Variants in ATF7IP2 observed in about 807,000 individuals in gnomAD.
ATF7IP2 encodes the protein activating transcription factor 7-interacting protein 2.
In ATF7IP2, 42 loss-of-function variants were observed where a neutral mutation model predicts 64.2. The observed-to-expected ratio is 0.65, with a 90% CI of 0.51 to 0.85. The LOEUF (loss-of-function observed/expected upper bound fraction) is 0.85. Among genes scored for constraint, ATF7IP2 ranks in the 40% least tolerant of loss-of-function variants. The pLI is 0.00. For synonymous variants in ATF7IP2, 308 were observed against 272.8 expected (o/e 1.13, Z -1.27); for missense variants, 933 against 784.2 (o/e 1.19, Z -2.27).
chr16:10,417,512 C>A (rs1050682248), intron 2 of ATF7IP2, among the ~76,000 whole-genome samples: 3 of 152,034 alleles, frequency 2.0e-5, no homozygotes, highest in African/African-American at 7.2e-5. Flanking sequence ...ATAAAGGGAT[C>A]AATTCAACAA....
intron 9 of ATF7IP2, among the ~76,000 whole-genome samples, chr16:10,460,794 T>C (rs2049349174): frequency 6.6e-6 from 1 of 152,194 alleles, no homozygotes; most frequent in Non-Finnish European, 1.5e-5. Context: ...GGGAATGTTT[T>C]CTTAAGACAT....
chr16:10,447,345 C>T (rs1391429607), intron 8 of ATF7IP2: 1 of 152,114 alleles, frequency 6.6e-6, no homozygotes, highest in Non-Finnish European at 1.5e-5. Flanking sequence ...CCTTTGAGGC[C>T]ACTGCACCAA....
intron 1 of ATF7IP2, among the ~76,000 whole-genome samples, chr16:10,397,334 A>G (rs2047439786): frequency 6.6e-6 from 1 of 152,186 alleles, no homozygotes; most frequent in Non-Finnish European, 1.5e-5. Context: ...CACATACATT[A>G]TCCATTTTAG....
intron 1 of ATF7IP2, among the ~76,000 whole-genome samples, chr16:10,396,112 T>G (rs549172839): frequency 3.5e-4 from 53 of 152,270 alleles, no homozygotes; most frequent in African/African-American, 1.2e-3. Flanking sequence ...TCCATATACT[T>G]GCAAAGAGGA....
At chr16:10,480,272 C>T (rs61344688) in intron 12 of ATF7IP2, among the ~76,000 whole-genome samples, 2,077 of 152,100 alleles carry the variant, frequency 0.014, 45 homozygotes, top group African/African-American at 0.047. Context: ...CCACTATGCA[C>T]AGCCTCCCCA....
chr16:10,460,795 C>T (rs1041546979), intron 9 of ATF7IP2, among the ~76,000 whole-genome samples: 1 of 152,076 alleles, frequency 6.6e-6, no homozygotes, highest in Non-Finnish European at 1.5e-5. Flanking sequence ...GGAATGTTTT[C>T]TTAAGACATA....
At chr16:10,473,618 ATTTAGT>A in intron 11 of ATF7IP2, 84 bp downstream of exon 11, 2 of 1,020,550 alleles carry the variant, frequency 2.0e-6, no homozygotes, top group Non-Finnish European at 3.0e-6. Flanking sequence ...ATGTTGGATG[ATTTAGT>A]TTTAGTCCAC....
intron 8 of ATF7IP2, among the ~76,000 whole-genome samples, chr16:10,442,433 AGTTTTATT>A (rs1307495210): frequency 2.6e-5 from 4 of 152,190 alleles, no homozygotes; most frequent in African/African-American, 9.6e-5. Context: ...TGTTTTTATA[AGTTTTATT>A]GTTTTATTGA....
At chr16:10,466,839 A>G (rs2049592171) in intron 9 of ATF7IP2, among the ~76,000 whole-genome samples, 1 of 151,554 alleles carries the variant, frequency 6.6e-6, no homozygotes, top group South Asian at 2.1e-4. Flanking sequence ...TATCTTTTTT[A>G]ACTGTTTGCT....
intron 9 of ATF7IP2, among the ~76,000 whole-genome samples, chr16:10,458,821 A>G (rs1335291843): frequency 6.6e-6 from 1 of 152,200 alleles, no homozygotes; most frequent in East Asian, 1.9e-4. Flanking sequence ...AAACAAGATA[A>G]CTAGTAAACC....
chr16:10,415,759 G>A (rs1296479358), intron 2 of ATF7IP2, among the ~76,000 whole-genome samples: 1 of 152,162 alleles, frequency 6.6e-6, no homozygotes, highest in Non-Finnish European at 1.5e-5. Flanking sequence ...GACTCTGTAG[G>A]AAAGAATCTA....
At chr16:10,468,377 A>G (rs113189447) in intron 9 of ATF7IP2, among the ~76,000 whole-genome samples, 3 of 152,324 alleles carry the variant, frequency 2.0e-5, no homozygotes, top group South Asian at 2.1e-4. Context: ...CATGCAGTCA[A>G]CAGCTACAGG....
In ATF7IP2 at chr16:10,481,841, T is replaced by G; in HGVS notation, c.1641T>G (p.Pro547=). Residue 547 remains proline (P), a synonymous_variant, in exon 14 of 14, where the codon CCT becomes CCG. Transcript: ENST00000562102. ...TPLAQNAVQV[P]ESFEHLPPLP... ...TCTTACAATTGTGTTTTTAGGTTCCTGAGTCCTTTGAGCACCTGCCACCTC... is the reference window on the plus strand; with the variant it reads ...TCTTACAATTGTGTTTTTAGGTTCCGGAGTCCTTTGAGCACCTGCCACCTC... 6.3e-7 allele frequency: 1 copy of G among 1,578,162 alleles called. No individual in the cohort carries two copies. Among genetic ancestry groups the G allele is most frequent in the Admixed American group, 2.0e-5 (1 of 50,540 alleles).
At chr16:10,446,416 C>G (rs2048806825) in intron 8 of ATF7IP2, 1 of 152,154 alleles carries the variant, frequency 6.6e-6, no homozygotes, top group South Asian at 2.1e-4. Flanking sequence ...TGATTACAAC[C>G]AACTTTCCAC....
At chr16:10,440,651 T>G (rs140533194) in intron 8 of ATF7IP2, among the ~76,000 whole-genome samples, 189 bp downstream of exon 8, 1 of 152,202 alleles carries the variant, frequency 6.6e-6, no homozygotes, top group Non-Finnish European at 1.5e-5. Flanking sequence ...TGTATTTCTG[T>G]AGTAAAGGGA....
intron 1 of ATF7IP2, among the ~76,000 whole-genome samples, chr16:10,398,703 T>A (rs2047468861): frequency 6.6e-6 from 1 of 152,186 alleles, no homozygotes; most frequent in South Asian, 2.1e-4. Context: ...ATGATGTCAC[T>A]CATTTTTGGA....
chr16:10,431,792 G>A (rs925116042), intron 5 of ATF7IP2, among the ~76,000 whole-genome samples: 1 of 145,158 alleles, frequency 6.9e-6, no homozygotes, highest in Non-Finnish European at 1.5e-5. Flanking sequence ...GAAAGAGTGA[G>A]TTTTAAAAAT....
intron 8 of ATF7IP2, chr16:10,447,062 C>G (rs1057291167): frequency 1.3e-5 from 2 of 152,190 alleles, no homozygotes; most frequent in Non-Finnish European, 2.9e-5. Context: ...CTGACGGGAC[C>G]CCCAAAGGGC....
chr16:10,412,010 G>GTTTTTTTTTTTTTTTTTTT lies in ATF7IP2; in HGVS notation c.-241-2553_-241-2535dup, dbSNP rs71133351. Among the ~76,000 whole-genome samples the GTTTTTTTTTTTTTTTTTTT allele has an allele frequency of 1.5e-3, 87 of 58,394 alleles. 1 individual carries two copies. The highest frequency in any genetic ancestry group is 0.012 in the Middle Eastern group (1 of 86). 38.3% of individuals were successfully genotyped at this position (58,394 alleles called of 152,430 possible). On this transcript the variant is annotated intron_variant, in intron 1 of 13. Coordinates refer to ENST00000562102, the MANE Select transcript of ATF7IP2 (RefSeq NM_001393719.1). ...CTTTTTGTTTCATTTATCTTTTTTT[G>GTTTTTTTTTTTTTTTTTTT]TTTTTTTTTTTTTTTTTTTTTTTTT...
Sources: gnomAD v4.1 joint callset for allele counts (sites outside exome capture counted in the v4.1 genomes callset) on GRCh38, gnomAD v4.1.1 for gene constraint, MANE v1.5 for transcripts, NCBI Gene and HGNC (gene_info 2026-07-23, HGNC 2026-07-21) for gene names.